The following RORA variants were observed in gnomAD, a reference collection of about 807,000 sequenced individuals.
The protein encoded by RORA is nuclear receptor ROR-alpha.
RORA carries 7 observed loss-of-function variants against 69.5 expected under a neutral mutation model. The observed-to-expected ratio is 0.10, with a 90% CI of 0.06 to 0.19. The LOEUF (loss-of-function observed/expected upper bound fraction) is 0.19, where lower values mean the gene tolerates loss of function less well. RORA is among the 10% of genes least tolerant of loss of function. RORA has a pLI of 1.00. For synonymous variants in RORA, 261 were observed against 240.8 expected (o/e 1.08, Z -0.78); for missense variants, 457 against 663.0 (o/e 0.69, Z 3.41).
At chr15:60,834,048 C>T (rs1179897739) in intron 1 of RORA, among the ~76,000 whole-genome samples, 2 of 152,166 alleles carry the variant, frequency 1.3e-5, no homozygotes, top group Middle Eastern at 3.2e-3. Flanking sequence ...AGCATGCTTA[C>T]CACAGTGCTG....
chr15:60,523,319 G>T (rs890553535), intron 3 of RORA, among the ~76,000 whole-genome samples: 6 of 152,168 alleles, frequency 3.9e-5, no homozygotes, highest in Non-Finnish European at 1.5e-5. Context: ...TCTTTCCTCA[G>T]TTGTAACCAT....
chr15:61,096,468 C>T (rs963120373), intron 1 of RORA, among the ~76,000 whole-genome samples: 2 of 152,190 alleles, frequency 1.3e-5, no homozygotes, highest in African/African-American at 2.4e-5. Context: ...CCAGATAGCA[C>T]TGGAAGCTAT....
At chr15:61,099,872 A>C (rs1376350535) in intron 1 of RORA, among the ~76,000 whole-genome samples, 1 of 152,178 alleles carries the variant, frequency 6.6e-6, no homozygotes, top group Non-Finnish European at 1.5e-5. Flanking sequence ...TTTGTAGGAC[A>C]CTCCTGGAGT....
At chr15:60,691,777 G>A (rs1415714889) in intron 1 of RORA, among the ~76,000 whole-genome samples, 1 of 152,220 alleles carries the variant, frequency 6.6e-6, no homozygotes, top group Non-Finnish European at 1.5e-5. Context: ...TACCAGAGCT[G>A]AACACAGGGC....
chr15:60,957,362 G>C (rs1893299078), intron 1 of RORA, among the ~76,000 whole-genome samples: 1 of 152,202 alleles, frequency 6.6e-6, no homozygotes, highest in African/African-American at 2.4e-5. Context: ...GGCAGGTGAG[G>C]ACTCCATTGT....
intron 1 of RORA, among the ~76,000 whole-genome samples, chr15:60,926,647 C>A (rs1012710653): frequency 6.6e-6 from 1 of 152,194 alleles, no homozygotes; most frequent in Non-Finnish European, 1.5e-5. Flanking sequence ...AATATATATG[C>A]ACATGGATGC....
intron 1 of RORA, among the ~76,000 whole-genome samples, chr15:60,963,404 G>A (rs1471246179): frequency 6.6e-6 from 1 of 152,206 alleles, no homozygotes; most frequent in African/African-American, 2.4e-5. Flanking sequence ...AATGATGGAG[G>A]TGGATGATGG....
chr15:60,535,567 G>A (rs1489966926), intron 2 of RORA, among the ~76,000 whole-genome samples: 2 of 152,132 alleles, frequency 1.3e-5, no homozygotes, highest in East Asian at 1.9e-4. Flanking sequence ...GAAGAAGTTT[G>A]CTTTGAATTT....
chr15:60,835,797 C>A (rs1165114376), intron 1 of RORA, among the ~76,000 whole-genome samples: 1 of 152,158 alleles, frequency 6.6e-6, no homozygotes, highest in Non-Finnish European at 1.5e-5. Flanking sequence ...TGACATGCAA[C>A]CAAGTAGATG....
At chr15:60,923,989 G>T (rs1414169876) in intron 1 of RORA, among the ~76,000 whole-genome samples, 1 of 152,198 alleles carries the variant, frequency 6.6e-6, no homozygotes, top group Non-Finnish European at 1.5e-5. Flanking sequence ...TGAGCACGGG[G>T]CAGTGTGTTT....
intron 1 of RORA, among the ~76,000 whole-genome samples, chr15:61,120,855 A>T (rs546981500): frequency 4.7e-5 from 7 of 149,542 alleles, no homozygotes; most frequent in South Asian, 2.1e-4. Flanking sequence ...TTTTTTTATT[A>T]TTTTTTTTTT....
chr15:61,015,828 G>A (rs952071079), intron 1 of RORA, among the ~76,000 whole-genome samples: 1 of 152,234 alleles, frequency 6.6e-6, no homozygotes, highest in Admixed American at 6.5e-5. Context: ...GTCTTAGGTT[G>A]CATTAATTGA....
At chr15:61,040,438 C>T (rs1008882319) in intron 1 of RORA, among the ~76,000 whole-genome samples, 8 of 151,836 alleles carry the variant, frequency 5.3e-5, no homozygotes, top group African/African-American at 1.5e-4. Context: ...TTTATCTTCT[C>T]GCAAAACATT....
intron 1 of RORA, among the ~76,000 whole-genome samples, chr15:61,005,024 C>T (rs1894870121): frequency 6.6e-6 from 1 of 152,186 alleles, no homozygotes; most frequent in Admixed American, 6.5e-5. Context: ...TGTGCAGATT[C>T]TAGTGCAGCA....
rs551620038 is a variant in RORA, at chr15:61,068,552, T to C, written c.166+160501A>G. On this transcript the variant is annotated intron_variant, in intron 1 of 10. Transcript: ENST00000335670. ...TGTTCCTTGACATCCTGGACTCAACTTCAGAATATTTCATTGCTCTGGGCA... is the reference window on the plus strand; with the variant it reads ...TGTTCCTTGACATCCTGGACTCAACCTCAGAATATTTCATTGCTCTGGGCA... Among the ~76,000 whole-genome samples the C allele has an allele frequency of 3.0e-4, 46 of 152,360 alleles. No homozygotes were observed. In the South Asian group the frequency reaches 9.5e-3, roughly 32 times the overall value.
chr15:61,046,098 A>G (rs1456158374), intron 1 of RORA, among the ~76,000 whole-genome samples: 1 of 152,194 alleles, frequency 6.6e-6, no homozygotes, highest in Non-Finnish European at 1.5e-5. Context: ...AAGGGGAGGA[A>G]GTGAGAGGAA....
At chr15:60,803,302 G>A (rs1187226292) in intron 1 of RORA, among the ~76,000 whole-genome samples, 1 of 152,204 alleles carries the variant, frequency 6.6e-6, no homozygotes, top group Non-Finnish European at 1.5e-5. Flanking sequence ...GAATGGTCCA[G>A]GCAAGGAAGA....
intron 1 of RORA, among the ~76,000 whole-genome samples, chr15:61,058,393 G>A (rs1276108080): frequency 6.6e-6 from 1 of 152,090 alleles, no homozygotes; most frequent in Non-Finnish European, 1.5e-5. Flanking sequence ...ATGTTTTAGG[G>A]AACATTAATC....
intron 1 of RORA, among the ~76,000 whole-genome samples, chr15:61,159,759 G>A (rs1381375425): frequency 6.6e-6 from 1 of 152,188 alleles, no homozygotes; most frequent in Admixed American, 6.6e-5. Flanking sequence ...TGTTTTACCA[G>A]TTTGGGCAGC....
Sources: allele counts gnomAD v4.1 joint callset (sites outside exome capture counted in the v4.1 genomes callset), GRCh38; gene constraint gnomAD v4.1.1; transcripts MANE v1.5; gene names NCBI Gene and HGNC (gene_info 2026-07-23, HGNC 2026-07-21).